The following COL24A1 variants were observed in gnomAD, a reference collection of about 807,000 sequenced individuals.
COL24A1 encodes the protein collagen alpha-1(XXIV) chain.
In COL24A1, 224 loss-of-function variants were observed where a neutral mutation model predicts 253.9. The observed-to-expected ratio is 0.88, with a 90% CI of 0.79 to 0.99. The LOEUF is 0.99. Among genes scored for constraint, COL24A1 ranks in the 50% least tolerant of loss-of-function variants. COL24A1 has a pLI of 0.00. For synonymous variants in COL24A1, 685 were observed against 673.7 expected (o/e 1.02, Z -0.26); for missense variants, 2,131 against 2,068.5 (o/e 1.03, Z -0.59).
Position 86,115,322 on chromosome 1 carries a change from T to C in COL24A1, c.1545+3A>G. ...CAGCAGGAAATATAGCCCATCTACT[T>C]ACCCGTGGACCTCTCTTCCCTGACG... On this transcript the variant is annotated splice_donor_region_variant and intron_variant, in intron 4 of 59. Coordinates refer to ENST00000370571, the MANE Select transcript of COL24A1 (RefSeq NM_152890.7). The C allele has an allele frequency of 1.2e-6, 2 of 1,613,684 alleles. No individual in the cohort carries two copies. The highest frequency in any genetic ancestry group is 1.7e-6 in the Non-Finnish European group (2 of 1,179,694).
intron 53 of COL24A1, among the ~76,000 whole-genome samples, chr1:85,767,230 T>G (rs1570521460): frequency 6.6e-6 from 1 of 152,136 alleles, no homozygotes; most frequent in East Asian, 1.9e-4. Context: ...TCTTAGCTAA[T>G]AAAATCCATT....
At chr1:86,011,398 A>G (rs1696469532) in intron 19 of COL24A1, among the ~76,000 whole-genome samples, 1 of 152,198 alleles carries the variant, frequency 6.6e-6, no homozygotes, top group East Asian at 1.9e-4. Flanking sequence ...ACTGTAAAAT[A>G]TCAACATGTA....
intron 24 of COL24A1, among the ~76,000 whole-genome samples, chr1:85,918,664 G>C (rs1686151863): frequency 6.6e-6 from 1 of 152,062 alleles, no homozygotes; most frequent in African/African-American, 2.4e-5. Context: ...ATTAGACAAA[G>C]GTATTTAAAG....
intron 24 of COL24A1, among the ~76,000 whole-genome samples, chr1:85,945,271 G>A (rs894432853): frequency 9.9e-5 from 15 of 151,030 alleles, no homozygotes; most frequent in African/African-American, 2.7e-4. Flanking sequence ...CCCACCTCCC[G>A]GCCTCCCAAA....
At chr1:85,774,811 T>G (rs988022471) in intron 53 of COL24A1, among the ~76,000 whole-genome samples, 10 of 152,306 alleles carry the variant, frequency 6.6e-5, no homozygotes, top group Admixed American at 3.9e-4. Context: ...GTTGATCGCT[T>G]CAAAATACCA....
chr1:86,155,506 C>A (rs768544589), intron 1 of COL24A1: 4 of 152,352 alleles, frequency 2.6e-5, no homozygotes. Flanking sequence ...ACCAGGGCAT[C>A]CAGCCAAAGC....
At chr1:85,886,329 G>C (rs941379764) in intron 32 of COL24A1, among the ~76,000 whole-genome samples, 2 of 151,596 alleles carry the variant, frequency 1.3e-5, no homozygotes, top group Non-Finnish European at 2.9e-5. Flanking sequence ...GATTACAGGC[G>C]TGAGCCACCG....
chr1:85,911,555 G>C (rs2102933189), intron 24 of COL24A1, 122 bp from the exon 25 acceptor site: 2 of 821,224 alleles, frequency 2.4e-6, no homozygotes, highest in East Asian at 2.5e-5. Context: ...TTATCTTGGA[G>C]TAAAATTCCT....
At chr1:85,827,526 G>C (rs1674542809) in intron 43 of COL24A1, among the ~76,000 whole-genome samples, 2 of 151,968 alleles carry the variant, frequency 1.3e-5, no homozygotes, top group Admixed American at 6.6e-5. Context: ...TGTACCTCTG[G>C]TAGAATTCGG....
chr1:85,960,406 G>C (rs1195438601), intron 24 of COL24A1, among the ~76,000 whole-genome samples: 1 of 152,062 alleles, frequency 6.6e-6, no homozygotes, highest in Non-Finnish European at 1.5e-5. Context: ...TAACAAATCT[G>C]ATTCAAATAC....
intron 32 of COL24A1, among the ~76,000 whole-genome samples, chr1:85,877,907 T>C (rs1681368354): frequency 6.6e-6 from 1 of 152,188 alleles, no homozygotes; most frequent in Non-Finnish European, 1.5e-5. Context: ...GAAGTAAATA[T>C]ATGATCTTTT....
intron 47 of COL24A1, among the ~76,000 whole-genome samples, chr1:85,815,703 A>G (rs1220746736): frequency 1.3e-5 from 2 of 152,088 alleles, no homozygotes; most frequent in African/African-American, 4.8e-5. Flanking sequence ...AAACATTAGA[A>G]TTGACTTATT....
At chr1:85,980,390 T>TTGC (rs1693133038) in intron 20 of COL24A1, among the ~76,000 whole-genome samples, 1 of 152,178 alleles carries the variant, frequency 6.6e-6, no homozygotes, top group Non-Finnish European at 1.5e-5. Context: ...AGTCAAACCA[T>TTGC]TGCTGTTTGC....
chr1:86,043,051 G>A (rs1423232644), intron 12 of COL24A1, among the ~76,000 whole-genome samples: 4 of 151,970 alleles, frequency 2.6e-5, no homozygotes, highest in Non-Finnish European at 5.9e-5. Flanking sequence ...CTGTTAGACT[G>A]TTTCATATAA....
intron 31 of COL24A1, among the ~76,000 whole-genome samples, chr1:85,892,035 G>A (rs945670002): frequency 6.6e-6 from 1 of 152,072 alleles, no homozygotes; most frequent in East Asian, 1.9e-4. Context: ...CCTGTGCCAG[G>A]AACATAATAA....
At chr1:85,875,203 G>T in intron 34 of COL24A1, 74 bp downstream of exon 34, 4 of 1,277,148 alleles carry the variant, frequency 3.1e-6, no homozygotes, top group South Asian at 1.2e-5. Context: ...AAATATAGGG[G>T]ATTCAATGGT....
At chr1:86,105,565 CTGCAG>C (rs1435933391) in intron 5 of COL24A1, among the ~76,000 whole-genome samples, 1 of 152,138 alleles carries the variant, frequency 6.6e-6, no homozygotes. Context: ...GAAGACCACC[CTGCAG>C]AGTTTACATC....
intron 7 of COL24A1, among the ~76,000 whole-genome samples, chr1:86,075,726 A>C (rs146530914): frequency 0.011 from 1,727 of 152,318 alleles, 34 homozygotes; most frequent in African/African-American, 0.039. Context: ...CTAGGATGCA[A>C]GACTGGTTCA....
chr1:85,835,233 G>GCTAAAAA (rs1558321808), intron 43 of COL24A1, among the ~76,000 whole-genome samples: 2 of 152,130 alleles, frequency 1.3e-5, no homozygotes, highest in African/African-American at 2.4e-5. Context: ...CCGGGTTCAA[G>GCTAAAAA]TGTTTCTCCT....
Sources: gnomAD v4.1 joint callset for allele counts (sites outside exome capture counted in the v4.1 genomes callset) on GRCh38, gnomAD v4.1.1 for gene constraint, MANE v1.5 for transcripts, NCBI Gene and HGNC (gene_info 2026-07-23, HGNC 2026-07-21) for gene names.